CARS2: variants seen among roughly 807,000 people sequenced by gnomAD.
CARS2 encodes probable cysteine--tRNA ligase, mitochondrial.
In CARS2, 52 loss-of-function variants were observed where a neutral mutation model predicts 68.8. The observed-to-expected ratio is 0.76, with a 90% confidence interval of 0.61 to 0.95. The LOEUF is 0.95. Among genes scored for constraint, CARS2 ranks in the 40% least tolerant of loss-of-function variants. The pLI is 0.00. For synonymous variants in CARS2, 314 were observed against 303.6 expected (o/e 1.03, Z -0.36); for missense variants, 780 against 754.2 (o/e 1.03, Z -0.40).
intron 13 of CARS2, chr13:110,642,729 TC>T (rs1458792583): frequency 4.0e-6 from 3 of 756,580 alleles, no homozygotes; most frequent in Non-Finnish European, 7.2e-6. Context: ...ACTCTGAGCA[TC>T]TGTCGTCCAA....
chr13:110,658,685 G>A (rs182889410), intron 9 of CARS2, among the ~76,000 whole-genome samples: 19 of 152,310 alleles, frequency 1.2e-4, no homozygotes, highest in African/African-American at 4.3e-4. Flanking sequence ...CACTTTGGGA[G>A]GCTGAGGCAG....
chr13:110,700,924 G>A (rs576820926), intron 3 of CARS2, among the ~76,000 whole-genome samples: 11 of 152,280 alleles, frequency 7.2e-5, no homozygotes, highest in African/African-American at 2.4e-4. Flanking sequence ...ATCACAATAC[G>A]ATAGATGTTA....
At chr13:110,691,631 C>A (rs1324716344) in intron 3 of CARS2, among the ~76,000 whole-genome samples, 4 of 152,156 alleles carry the variant, frequency 2.6e-5, no homozygotes, top group African/African-American at 7.2e-5. Context: ...TGACCCCTAG[C>A]TGCCAACACT....
intron 10 of CARS2, chr13:110,648,844 T>G (rs2062119243): frequency 1.3e-5 from 2 of 152,166 alleles, no homozygotes; most frequent in African/African-American, 4.8e-5. Context: ...ATTAGGACAG[T>G]CATACAAGAT....
intron 3 of CARS2, among the ~76,000 whole-genome samples, chr13:110,691,014 C>G (rs1002528349): frequency 6.6e-6 from 1 of 151,926 alleles, no homozygotes. Flanking sequence ...GTTAGGAATT[C>G]TTTTCTTTTT....
At chr13:110,700,308 G>A (rs946510489) in intron 3 of CARS2, among the ~76,000 whole-genome samples, 3 of 152,190 alleles carry the variant, frequency 2.0e-5, no homozygotes, top group East Asian at 1.9e-4. Flanking sequence ...AGAGGCGCTC[G>A]GGGACAGGGA....
rs1361483167 is a variant in CARS2, at chr13:110,668,730, A to C, written c.786-1257T>G. Among the ~76,000 whole-genome samples the C allele has an allele frequency of 1.3e-5, 2 of 152,124 alleles. No homozygotes were observed. Among genetic ancestry groups the C allele is most frequent in the African/African-American group, 4.8e-5 (2 of 41,402 alleles). Reference sequence around the variant, plus strand: ...TCTGAAGCCAACACAACGACGTGAAAGTTTCACAAGCTGAACTATGGGGCC... The same window carrying C: ...TCTGAAGCCAACACAACGACGTGAACGTTTCACAAGCTGAACTATGGGGCC... On this transcript the variant is annotated intron_variant, in intron 7 of 14. Coordinates refer to ENST00000257347, the MANE Select transcript of CARS2 (RefSeq NM_024537.4). This position sits in a 1 kb window ranked among gnomAD's most constrained non-coding sequence, Gnocchi z 4.1.
At position 110,641,578 on chromosome 13, in the gene CARS2, G is replaced by A; in HGVS notation, c.1654C>T (p.Leu552=). Residue 552 remains leucine, a synonymous_variant, in exon 15 of 15, where the codon CTG becomes TTG. Coordinates refer to ENST00000257347, the MANE Select transcript of CARS2 (RefSeq NM_024537.4). ...TGGTCTTTTGTCCTTTGATCCAGCA[G>A]TTCCCACGTGGATGTTGTACTGCTT... ...DRSSTTSTWE[L]LDQRTKDQKS... 1 of 1,614,102 alleles carries A rather than the reference G, an allele frequency of 6.2e-7. No individual in the cohort carries two copies.
Position 110,676,911 on chromosome 13 carries a change from C to T in CARS2, c.785+63G>A. 1.4e-6 allele frequency: 2 copies of T among 1,464,468 alleles called. No individual in the cohort carries two copies. The highest frequency in any genetic ancestry group is 1.8e-6 in the Non-Finnish European group (2 of 1,103,962). 90.7% of individuals were successfully genotyped at this position (1,464,468 alleles called of 1,614,324 possible). Reference sequence around the variant, plus strand: ...CACCTGCTCCCATGCACATCCTCTGCTGCCCTGAGCAGGCACCAGGGGAAC... The same window carrying T: ...CACCTGCTCCCATGCACATCCTCTGTTGCCCTGAGCAGGCACCAGGGGAAC... On this transcript the variant is annotated intron_variant, in intron 7 of 14. Coordinates refer to ENST00000257347, the MANE Select transcript of CARS2 (RefSeq NM_024537.4). The surrounding 1 kb of genome is among the most constrained non-coding windows in gnomAD (Gnocchi z 4.0).
chr13:110,713,270 G>A lies in CARS2; in HGVS notation n.266C>T, dbSNP rs1005994697. The A allele has an allele frequency of 6.4e-5, 84 of 1,315,716 alleles. No homozygotes were observed. In the African/African-American group the frequency reaches 1.1e-3, roughly 18 times the overall value. The allele number at this position is 1,315,716 out of a possible 1,614,324, so 81.5% of individuals were successfully genotyped here. A position where few individuals can be genotyped will look rare whatever the true frequency, so the allele number is the denominator to read the frequency against. On this transcript the variant is annotated non_coding_transcript_exon_variant, in exon 1 of 3. Transcript: ENST00000485188. ...GTGGGGCGGGGACGAAGAGTCAGGG[G>A]CTGAGGAGCGAGTTGCGGTAGTTGC...
intron 9 of CARS2, among the ~76,000 whole-genome samples, chr13:110,661,818 T>G (rs2062509818): frequency 6.6e-6 from 1 of 152,106 alleles, no homozygotes; most frequent in South Asian, 2.1e-4. Flanking sequence ...GGGGCAGATT[T>G]AAAGGAATGG....
intron 7 of CARS2, among the ~76,000 whole-genome samples, chr13:110,671,170 C>A (rs1232818329): frequency 6.6e-6 from 1 of 152,180 alleles, no homozygotes; most frequent in Non-Finnish European, 1.5e-5. Flanking sequence ...ACTTCCCCAA[C>A]CTGACAAGGC....
At chr13:110,678,874 G>A (rs900329509) in intron 6 of CARS2, among the ~76,000 whole-genome samples, 13 of 152,282 alleles carry the variant, frequency 8.5e-5, no homozygotes, top group African/African-American at 3.1e-4. Context: ...AGAAGGCAGC[G>A]CAGGCGGAGG....
At chr13:110,700,385 G>A (rs982380117) in intron 3 of CARS2, among the ~76,000 whole-genome samples, 2 of 152,218 alleles carry the variant, frequency 1.3e-5, no homozygotes, top group Non-Finnish European at 2.9e-5. Flanking sequence ...GTTCCTGACT[G>A]GGAGGGCTGT....
At chr13:110,685,534 C>T (rs1184115319) in intron 5 of CARS2, among the ~76,000 whole-genome samples, 3 of 152,284 alleles carry the variant, frequency 2.0e-5, no homozygotes, top group South Asian at 2.1e-4. Context: ...CTTCAGCCGT[C>T]GGCTGGATAC....
rs560857761 is a variant in CARS2, at chr13:110,687,807, T to G, written c.485A>C (p.Tyr162Ser). Reference sequence around the variant, plus strand: ...AGGAATATTTTCGGTTACCCTCAGGTACACCGTGGGTGGGAGAACCTGCAA... The same window carrying G: ...AGGAATATTTTCGGTTACCCTCAGGGACACCGTGGGTGGGAGAACCTGCAA... The part of the protein sequence containing the change: ...AALKVLPPTV[Y>S]LRVTENIPQI... Residue 162 changes from tyrosine to serine, a missense_variant, in exon 5 of 15, where the codon TAC becomes TCC. By Grantham distance (144) the Tyr-to-Ser change is moderately radical. Transcript: ENST00000257347. 1.2e-6 allele frequency: 2 copies of G among 1,611,142 alleles called. No individual in the cohort carries two copies. The highest frequency in any genetic ancestry group is 3.3e-5 in the Admixed American group (2 of 59,868).
chr13:110,652,923 C>G (rs1343878472), intron 9 of CARS2, among the ~76,000 whole-genome samples: 1 of 152,082 alleles, frequency 6.6e-6, no homozygotes, highest in Non-Finnish European at 1.5e-5. Context: ...TCTGGAAGCA[C>G]AGAGCCTGGC....
intron 3 of CARS2, among the ~76,000 whole-genome samples, chr13:110,688,252 T>C (rs1176761065): frequency 6.6e-6 from 1 of 152,140 alleles, no homozygotes; most frequent in Non-Finnish European, 1.5e-5. Flanking sequence ...TGTCTTCTGG[T>C]TAGAGAAGAA....
At chr13:110,694,794 T>C (rs1045198392) in intron 3 of CARS2, among the ~76,000 whole-genome samples, 3 of 152,188 alleles carry the variant, frequency 2.0e-5, no homozygotes, top group Admixed American at 6.5e-5. Context: ...AGTGTATTAT[T>C]ATAATTTAAA....
Sources: gnomAD v4.1 joint callset for allele counts (sites outside exome capture counted in the v4.1 genomes callset) on GRCh38, gnomAD v4.1.1 for gene constraint, Gnocchi (gnomAD v3.1) non-coding constraint, MANE v1.5 for transcripts, NCBI Gene and HGNC (gene_info 2026-07-23, HGNC 2026-07-21) for gene names.